SERGEF: variants seen among roughly 807,000 people sequenced by gnomAD.
The protein encoded by SERGEF is secretion-regulating guanine nucleotide exchange factor.
In SERGEF, 51 loss-of-function variants were observed where a neutral mutation model predicts 50.0. That is an observed-to-expected ratio of 1.02 (90% CI 0.81 to 1.29). SERGEF has a LOEUF of 1.29. Among genes scored for constraint, SERGEF ranks in the 50% most tolerant of loss-of-function variants. SERGEF has a pLI of 0.00. For missense variants in SERGEF, 521 were observed against 557.0 expected (o/e 0.94, Z 0.65); for synonymous variants, 205 against 212.4 (o/e 0.97, Z 0.30).
chr11:17,801,745 G>T (rs1307727170), intron 10 of SERGEF, among the ~76,000 whole-genome samples: 3 of 152,156 alleles, frequency 2.0e-5, no homozygotes, highest in Admixed American at 6.5e-5. Flanking sequence ...ATAAACCTGA[G>T]ACCTGGGAAA....
At chr11:17,914,187 A>C (rs1019884097) in intron 9 of SERGEF, among the ~76,000 whole-genome samples, 1 of 152,138 alleles carries the variant, frequency 6.6e-6, no homozygotes, top group South Asian at 2.1e-4. Flanking sequence ...CTCCATCTGG[A>C]ATGCTTCCTT....
rs1371391128 is a variant in SERGEF at position 17,907,163 on chromosome 11, C to A, written c.1012-28919G>T. ...TCTGTCAAACTGTCAAACTTATGAC[C>A]AAAAAAAAAAAAAAAAAAAATGTAC... On this transcript the variant is annotated intron_variant, in intron 9 of 10. Coordinates refer to ENST00000265965, the MANE Select transcript of SERGEF (RefSeq NM_012139.4). 9.0e-3 allele frequency among the ~76,000 whole-genome samples: 1,041 copies of A among 116,270 alleles called. 1 individual carries two copies. The highest frequency in any genetic ancestry group is 0.015 in the Middle Eastern group (3 of 206). 76.3% of individuals were successfully genotyped at this position (116,270 alleles called of 152,430 possible).
At chr11:17,938,287 C>T (rs187926504) in intron 9 of SERGEF, among the ~76,000 whole-genome samples, 32 of 152,242 alleles carry the variant, frequency 2.1e-4, no homozygotes, top group Middle Eastern at 3.4e-3. Context: ...TTGGGTTTGG[C>T]CCACCAAGTA....
At position 17,889,035 on chromosome 11, in the gene SERGEF, A is replaced by G. The variant is rs367808022; in HGVS notation, c.1012-10791T>C. 3.7e-3 allele frequency among the ~76,000 whole-genome samples: 563 copies of G among 152,330 alleles called. 2 individuals are homozygous for G. Among genetic ancestry groups the G allele is most frequent in the African/African-American group, 0.013 (539 of 41,574 alleles). Reference sequence around the variant, plus strand: ...AAATAAAAATCCACTGTATATACTGAGCAATAGATAGATAGGGAAGCAGGG... The same window carrying G: ...AAATAAAAATCCACTGTATATACTGGGCAATAGATAGATAGGGAAGCAGGG... On this transcript the variant is annotated intron_variant, in intron 9 of 10. Coordinates refer to ENST00000265965, the MANE Select transcript of SERGEF (RefSeq NM_012139.4).
chr11:17,905,781 T>C (rs904163863), intron 9 of SERGEF, among the ~76,000 whole-genome samples: 3 of 152,124 alleles, frequency 2.0e-5, no homozygotes, highest in Non-Finnish European at 4.4e-5. Context: ...GGTCCTTTCC[T>C]CTCTGTCCCT....
intron 6 of SERGEF, among the ~76,000 whole-genome samples, chr11:17,994,667 A>G (rs1219786174): frequency 6.6e-6 from 1 of 152,008 alleles, no homozygotes; most frequent in Admixed American, 6.6e-5. Flanking sequence ...TACATTATAC[A>G]TGTTTCTAAT....
intron 9 of SERGEF, among the ~76,000 whole-genome samples, chr11:17,894,400 T>C (rs1851585102): frequency 1.3e-5 from 2 of 152,234 alleles, no homozygotes; most frequent in Non-Finnish European, 2.9e-5. Context: ...AGAAATAGGA[T>C]GGTTAAATAC....
chr11:17,970,213 G>A (rs528445300), intron 8 of SERGEF, among the ~76,000 whole-genome samples: 3 of 152,300 alleles, frequency 2.0e-5, no homozygotes, highest in African/African-American at 7.2e-5. Context: ...TGTGTTCTGT[G>A]TGACATTTTG....
At chr11:17,851,518 G>C (rs1246480119) in intron 10 of SERGEF, among the ~76,000 whole-genome samples, 4 of 152,146 alleles carry the variant, frequency 2.6e-5, no homozygotes, top group Non-Finnish European at 5.9e-5. Context: ...TGACTGTGGG[G>C]CCCTGTGTGG....
intron 9 of SERGEF, among the ~76,000 whole-genome samples, chr11:17,929,520 A>G (rs1565207625): frequency 6.6e-6 from 1 of 152,208 alleles, no homozygotes; most frequent in Non-Finnish European, 1.5e-5. Context: ...ATCCCAAGGT[A>G]ACTTATTATG....
intron 10 of SERGEF, among the ~76,000 whole-genome samples, chr11:17,801,832 G>T (rs1351673754): frequency 6.6e-6 from 1 of 152,126 alleles, no homozygotes; most frequent in Non-Finnish European, 1.5e-5. Flanking sequence ...CTTATGGTTC[G>T]ATGGGGCCTA....
At chr11:17,851,772 T>C (rs1367522108) in intron 10 of SERGEF, among the ~76,000 whole-genome samples, 1 of 152,190 alleles carries the variant, frequency 6.6e-6, no homozygotes, top group African/African-American at 2.4e-5. Flanking sequence ...AGCTGATGTA[T>C]CCAAGGTGAC....
intron 5 of SERGEF, among the ~76,000 whole-genome samples, chr11:17,998,460 T>C (rs917314198): frequency 6.8e-4 from 46 of 68,062 alleles, no homozygotes; most frequent in South Asian, 2.1e-3. Flanking sequence ...TATATATATA[T>C]ATATATATAT....
chr11:17,926,468 C>T (rs936102971), intron 9 of SERGEF, among the ~76,000 whole-genome samples: 37 of 152,288 alleles, frequency 2.4e-4, no homozygotes, highest in Non-Finnish European at 4.7e-4. Flanking sequence ...GGCTCCACGT[C>T]CACACCAGGT....
At position 17,881,431 on chromosome 11, in the gene SERGEF, G is replaced by A. The variant is rs148396491; in HGVS notation, c.1012-3187C>T. On this transcript the variant is annotated intron_variant, in intron 9 of 10. Coordinates refer to ENST00000265965, the MANE Select transcript of SERGEF (RefSeq NM_012139.4). ...TTCCCCACTGCTTCTTGCTGTCTGTGTGCTGGCATAGAGGTCAGGACACTG... is the reference window on the plus strand; with the variant it reads ...TTCCCCACTGCTTCTTGCTGTCTGTATGCTGGCATAGAGGTCAGGACACTG... 1.2e-3 allele frequency among the ~76,000 whole-genome samples: 184 copies of A among 152,344 alleles called. 1 individual carries two copies. Among genetic ancestry groups the A allele is most frequent in the African/African-American group, 4.2e-3 (176 of 41,588 alleles).
chr11:17,841,977 G>A (rs1425616379), intron 10 of SERGEF, among the ~76,000 whole-genome samples: 1 of 152,174 alleles, frequency 6.6e-6, no homozygotes, highest in African/African-American at 2.4e-5. Context: ...CCTTGATCAT[G>A]TGAAGTAAGT....
Position 17,837,328 on chromosome 11 carries a change from C to G in SERGEF, c.1048+40880G>C, listed in dbSNP as rs118041327. Among the ~76,000 whole-genome samples the G allele has an allele frequency of 2.0e-3, 306 of 152,046 alleles. 1 individual carries two copies. Among genetic ancestry groups the G allele is most frequent in the Non-Finnish European group, 3.8e-3 (261 of 67,970 alleles). ...CAAATGAATGAGTTCCCCTAAACCT[C>G]ATGTTGAAATTTGATCCCAATATTG... On this transcript the variant is annotated intron_variant, in intron 10 of 10. Coordinates refer to ENST00000265965, the MANE Select transcript of SERGEF (RefSeq NM_012139.4).
At chr11:17,878,557 C>T (rs1356264448) in intron 9 of SERGEF, among the ~76,000 whole-genome samples, 1 of 152,112 alleles carries the variant, frequency 6.6e-6, no homozygotes, top group African/African-American at 2.4e-5. Context: ...CTAAAATGAG[C>T]ATATGTTACT....
chr11:17,853,930 G>A (rs1165894428), intron 10 of SERGEF: 1 of 151,636 alleles, frequency 6.6e-6, no homozygotes, highest in Non-Finnish European at 1.5e-5. Flanking sequence ...CTGAGGCAGG[G>A]GAACCGCTTG....
Sources: allele counts gnomAD v4.1 joint callset (sites outside exome capture counted in the v4.1 genomes callset), GRCh38; gene constraint gnomAD v4.1.1; transcripts MANE v1.5; gene names NCBI Gene and HGNC (gene_info 2026-07-23, HGNC 2026-07-21).